TMTC2: variants seen among roughly 807,000 people sequenced by gnomAD.
TMTC2 encodes the protein protein O-mannosyl-transferase TMTC2.
A neutral mutation model predicts 82.4 loss-of-function variants in TMTC2; 43 were observed. The observed-to-expected ratio is 0.52, with a 90% CI of 0.41 to 0.67. The LOEUF (loss-of-function observed/expected upper bound fraction) is 0.67. TMTC2 is among the 30% of genes least tolerant of loss of function. The pLI, the probability that TMTC2 is intolerant of heterozygous loss-of-function variation, is 0.00. For synonymous variants in TMTC2, 408 were observed against 381.9 expected (o/e 1.07, Z -0.80); for missense variants, 919 against 1,012.4 (o/e 0.91, Z 1.25).
At chr12:82,923,664 G>T (rs1397621001) in intron 3 of TMTC2, among the ~76,000 whole-genome samples, 4 of 151,872 alleles carry the variant, frequency 2.6e-5, no homozygotes, top group Admixed American at 2.6e-4. Flanking sequence ...CATGAATATG[G>T]TATAAAAATC....
At chr12:82,753,678 G>T (rs915834092) in intron 1 of TMTC2, among the ~76,000 whole-genome samples, 1 of 152,114 alleles carries the variant, frequency 6.6e-6, no homozygotes, top group African/African-American at 2.4e-5. Flanking sequence ...TGAAATTTAG[G>T]TCTCTCTCAT....
intron 7 of TMTC2, among the ~76,000 whole-genome samples, chr12:82,967,578 C>T (rs1878269053): frequency 6.6e-6 from 1 of 151,992 alleles, no homozygotes; most frequent in Non-Finnish European, 1.5e-5. Flanking sequence ...TATCTATCAT[C>T]TGTGATTGAT....
chr12:82,750,498 A>C (rs1875930378), intron 1 of TMTC2, among the ~76,000 whole-genome samples: 1 of 152,174 alleles, frequency 6.6e-6, no homozygotes, highest in Non-Finnish European at 1.5e-5. Flanking sequence ...AGATTGCATC[A>C]GAAATAATCA....
intron 11 of TMTC2, among the ~76,000 whole-genome samples, chr12:83,062,365 C>T (rs1360873022): frequency 6.6e-6 from 1 of 151,650 alleles, no homozygotes; most frequent in African/African-American, 2.4e-5. Flanking sequence ...TAAATTAGAT[C>T]TTTTCTATTG....
chr12:82,933,465 T>C (rs917314892), intron 4 of TMTC2, among the ~76,000 whole-genome samples: 1 of 152,172 alleles, frequency 6.6e-6, no homozygotes, highest in Non-Finnish European at 1.5e-5. Flanking sequence ...TGTACCTAAT[T>C]TGCTCTGGTG....
rs1203577984 is a variant in TMTC2 at position 82,917,079 on chromosome 12, A to G, written c.1484-13352A>G. 2.0e-5 allele frequency among the ~76,000 whole-genome samples: 3 copies of G among 152,322 alleles called. No homozygotes were observed. The East Asian group carries it at 5.8e-4, about 29-fold the overall frequency. On this transcript the variant is annotated intron_variant, in intron 3 of 11. Coordinates refer to ENST00000321196, the MANE Select transcript of TMTC2 (RefSeq NM_152588.3). ...AAGGCTCTTATTTCCCTGGAGTCACATGAAGTGACTATCATACAATTAGTA... is the reference window on the plus strand; with the variant it reads ...AAGGCTCTTATTTCCCTGGAGTCACGTGAAGTGACTATCATACAATTAGTA...
chr12:83,120,767 T>C (rs1884922624), intron 11 of TMTC2, among the ~76,000 whole-genome samples: 1 of 152,220 alleles, frequency 6.6e-6, no homozygotes, highest in Admixed American at 6.5e-5. Flanking sequence ...TTTAGATTTA[T>C]CTTCTTCCTC....
intron 1 of TMTC2, among the ~76,000 whole-genome samples, chr12:82,716,541 T>G (rs1442028851): frequency 6.6e-6 from 1 of 152,048 alleles, no homozygotes; most frequent in East Asian, 1.9e-4. Context: ...TTTTTGTATT[T>G]TTAGTAGAGA....
intron 2 of TMTC2, among the ~76,000 whole-genome samples, chr12:82,869,756 T>C (rs1872069336): frequency 6.6e-6 from 1 of 151,814 alleles, no homozygotes; most frequent in Non-Finnish European, 1.5e-5. Flanking sequence ...GGAGGATCAC[T>C]TCAGTCCAGG....
chr12:82,964,150 G>A (rs1371883149), intron 4 of TMTC2, among the ~76,000 whole-genome samples: 1 of 151,722 alleles, frequency 6.6e-6, no homozygotes, highest in East Asian at 1.9e-4. Flanking sequence ...CAATAGATGT[G>A]CGGAATGTCT....
chr12:82,724,337 C>T (rs899585635), intron 1 of TMTC2, among the ~76,000 whole-genome samples: 2 of 152,054 alleles, frequency 1.3e-5, no homozygotes, highest in African/African-American at 4.8e-5. Flanking sequence ...GCTCTCTGTC[C>T]CCACTCAAAT....
intron 1 of TMTC2, among the ~76,000 whole-genome samples, chr12:82,705,659 A>T (rs966932983): frequency 6.6e-6 from 1 of 152,236 alleles, no homozygotes; most frequent in African/African-American, 2.4e-5. Context: ...AAGAGTGTTA[A>T]GTCATTCTTA....
intron 1 of TMTC2, among the ~76,000 whole-genome samples, chr12:82,696,991 T>TATATATATATATATATATA (rs1555177402): frequency 1.3e-5 from 2 of 150,986 alleles, no homozygotes; most frequent in South Asian, 2.1e-4. Flanking sequence ...TATGTTTCTA[T>TATATATATATATATATATA]TAATAGATCA....
intron 1 of TMTC2, among the ~76,000 whole-genome samples, chr12:82,829,518 T>C (rs553627275): frequency 6.6e-6 from 1 of 152,018 alleles, no homozygotes; most frequent in Admixed American, 6.6e-5. Flanking sequence ...ATCTTAAAAA[T>C]ATTTACAGTG....
At chr12:83,063,593 A>T (rs1018597442) in intron 11 of TMTC2, among the ~76,000 whole-genome samples, 1 of 151,908 alleles carries the variant, frequency 6.6e-6, no homozygotes, top group African/African-American at 2.4e-5. Context: ...CCACCATCCA[A>T]ACTAAATGGA....
chr12:83,062,360 T>C (rs555398058), intron 11 of TMTC2, among the ~76,000 whole-genome samples: 74 of 151,904 alleles, frequency 4.9e-4, no homozygotes, highest in African/African-American at 1.7e-3. Context: ...GGATATAAAT[T>C]AGATCTTTTC....
chr12:82,691,569 T>C (rs1376336850), intron 1 of TMTC2, among the ~76,000 whole-genome samples: 1 of 152,164 alleles, frequency 6.6e-6, no homozygotes, highest in Non-Finnish European at 1.5e-5. Flanking sequence ...TTTCTAAAGA[T>C]ATTGAACTAT....
At chr12:83,087,798 A>C (rs1883711793) in intron 11 of TMTC2, among the ~76,000 whole-genome samples, 1 of 143,978 alleles carries the variant, frequency 6.9e-6, no homozygotes, top group Admixed American at 6.9e-5. Flanking sequence ...TATTCCATTT[A>C]TAGAGCACAA....
At chr12:83,001,172 A>G (rs1879904010) in intron 8 of TMTC2, among the ~76,000 whole-genome samples, 1 of 152,292 alleles carries the variant, frequency 6.6e-6, no homozygotes, top group South Asian at 2.1e-4. Context: ...CTCGTTACTT[A>G]TGCCAATTCC....
Sources: allele counts gnomAD v4.1 joint callset (sites outside exome capture counted in the v4.1 genomes callset), GRCh38; gene constraint gnomAD v4.1.1; transcripts MANE v1.5; gene names NCBI Gene and HGNC (gene_info 2026-07-23, HGNC 2026-07-21).